Variants in PTPN22 observed in about 807,000 individuals in gnomAD.
PTPN22 encodes tyrosine-protein phosphatase non-receptor type 22.
Under a neutral mutation model 103.3 loss-of-function variants are expected in PTPN22, and 85 were observed. That is an observed-to-expected ratio of 0.82 (90% CI 0.69 to 0.99). PTPN22 has a LOEUF of 0.99. Ranked by LOEUF, PTPN22 falls within the 50% of genes least tolerant of loss-of-function variation. The pLI, the probability that PTPN22 is intolerant of heterozygous loss-of-function variation, is 0.00. For synonymous variants in PTPN22, 323 were observed against 310.2 expected (o/e 1.04, Z -0.43); for missense variants, 865 against 936.9 (o/e 0.92, Z 1.00).
chr1:113,836,375 A>T (rs1247367471), intron 13 of PTPN22, among the ~76,000 whole-genome samples: 1 of 152,234 alleles, frequency 6.6e-6, no homozygotes, highest in Admixed American at 6.5e-5. Flanking sequence ...AGAATTATAA[A>T]AGAGACAAAA....
chr1:113,871,552 A>G, exon 1 of PTPN22: 1 of 1,614,002 alleles, frequency 6.2e-7, no homozygotes, highest in Non-Finnish European at 8.5e-7. Context: ...ATTCATTGGC[A>G]AACTCCTCTT....
In PTPN22 at chr1:113,821,044, ATACT is replaced by A. The variant is rs779145120; in HGVS notation, c.2282-1394_2282-1391del. Reference sequence around the variant, plus strand: ...AGTATAAAATACTATTCATATTTAAATACTTACTATGTGCTAAGCATTGCTGTAG... The same window carrying A: ...AGTATAAAATACTATTCATATTTAAATACTATGTGCTAAGCATTGCTGTAG... On this transcript the variant is annotated intron_variant, in intron 19 of 20. Coordinates refer to ENST00000359785, the Ensembl canonical transcript of PTPN22. Among the ~76,000 whole-genome samples the A allele has an allele frequency of 4.0e-4, 61 of 151,774 alleles. No homozygotes were observed. In the East Asian group the frequency reaches 5.4e-3, roughly 13 times the overall value.
intron 19 of PTPN22, 67 bp downstream of exon 19, chr1:113,825,075 G>C: frequency 2.7e-6 from 3 of 1,128,834 alleles, no homozygotes; most frequent in Non-Finnish European, 3.8e-6. Context: ...CACAATATTG[G>C]TTGGTTATAT....
chr1:113,841,671 C>T (rs931066207), intron 11 of PTPN22, among the ~76,000 whole-genome samples: 3 of 150,012 alleles, frequency 2.0e-5, no homozygotes, highest in African/African-American at 4.9e-5. Flanking sequence ...GGTGCGATCT[C>T]GGCTCACTGC....
At chr1:113,852,205 A>C in intron 9 of PTPN22, 101 bp from the exon 10 acceptor site, 1 of 785,660 alleles carries the variant, frequency 1.3e-6, no homozygotes, top group Non-Finnish European at 2.1e-6. Flanking sequence ...CTCTTCTAAC[A>C]TGGGGTAATA....
chr1:113,819,372 TC>T (rs1661409112), intron 20 of PTPN22: 1 of 309,622 alleles, frequency 3.2e-6, no homozygotes. Flanking sequence ...AGCTTTATTT[TC>T]CACATATACT....
intron 10 of PTPN22, among the ~76,000 whole-genome samples, chr1:113,850,851 G>T (rs974783127): frequency 3.3e-5 from 5 of 152,210 alleles, no homozygotes; most frequent in African/African-American, 1.2e-4. Context: ...ACACTTTAAG[G>T]TCTTGCTATT....
At chr1:113,834,745 G>C (rs546256780) in intron 14 of PTPN22, among the ~76,000 whole-genome samples, 165 bp downstream of exon 14, 1 of 152,056 alleles carries the variant, frequency 6.6e-6, no homozygotes, top group Admixed American at 6.6e-5. Context: ...AAAAAAATTA[G>C]AGATGAGGTC....
In PTPN22 at chr1:113,869,425, G is replaced by A. The variant is rs1168747795; in HGVS notation, c.87+2112C>T. On this transcript the variant is annotated intron_variant, in intron 1 of 20. Coordinates refer to ENST00000359785, the Ensembl canonical transcript of PTPN22. ...TTTTTTTTTTTTGAGACAGAAGTTCGCTCTTGTTGTCCAGGCTGGAGTGCA... is the reference window on the plus strand; with the variant it reads ...TTTTTTTTTTTTGAGACAGAAGTTCACTCTTGTTGTCCAGGCTGGAGTGCA... Among the ~76,000 whole-genome samples, 10 of 150,390 alleles carry A rather than the reference G, an allele frequency of 6.6e-5. No individual in the cohort carries two copies. The East Asian group carries it at 1.2e-3, about 18-fold the overall frequency.
chr1:113,867,242 A>C (rs185647372), intron 1 of PTPN22, among the ~76,000 whole-genome samples: 256 of 152,244 alleles, frequency 1.7e-3, no homozygotes, highest in Non-Finnish European at 3.0e-3. Flanking sequence ...TTACCCTAAA[A>C]CTTACCCTAA....
At chr1:113,825,042 A>T in intron 19 of PTPN22, 100 bp downstream of exon 19, 11 of 743,698 alleles carry the variant, frequency 1.5e-5, no homozygotes, top group East Asian at 3.9e-5. Context: ...GGCTCTGTTT[A>T]GGAATAATAT....
At chr1:113,834,856 T>C (rs570650812) in intron 14 of PTPN22, 54 bp downstream of exon 14, 3 of 1,358,372 alleles carry the variant, frequency 2.2e-6, no homozygotes, top group Admixed American at 2.3e-5. Flanking sequence ...ATTAAAGGCA[T>C]GAGCCACCAT....
chr1:113,834,114 T>C (rs1335710299), intron 15 of PTPN22, among the ~76,000 whole-genome samples, 195 bp downstream of exon 15: 1 of 152,238 alleles, frequency 6.6e-6, no homozygotes, highest in Non-Finnish European at 1.5e-5. Flanking sequence ...ATCCTATATC[T>C]CTACTACTAG....
chr1:113,817,959 CT>C (rs1178183326), intron 20 of PTPN22, among the ~76,000 whole-genome samples: 306 of 140,522 alleles, frequency 2.2e-3, no homozygotes, highest in Non-Finnish European at 2.0e-3. Flanking sequence ...TTCTTTTTTC[CT>C]TTTTTTTTTT....
At chr1:113,862,044 G>A (rs933110144) in intron 1 of PTPN22, among the ~76,000 whole-genome samples, 1 of 152,028 alleles carries the variant, frequency 6.6e-6, no homozygotes, top group African/African-American at 2.4e-5. Context: ...ACTTTGGGAT[G>A]CCGAGGCAGG....
chr1:113,841,389 T>G (rs1163285487), intron 11 of PTPN22, among the ~76,000 whole-genome samples: 2 of 152,108 alleles, frequency 1.3e-5, no homozygotes, highest in Non-Finnish European at 2.9e-5. Flanking sequence ...ATTTCTTGGA[T>G]AGGACACCAA....
In PTPN22 at chr1:113,859,469, A is replaced by G. The variant is rs41299577; in HGVS notation, c.88-9T>C. The G allele has an allele frequency of 3.1e-6, 5 of 1,592,750 alleles. No homozygotes were observed. The highest frequency in any genetic ancestry group is 4.3e-6 in the Non-Finnish European group (5 of 1,161,206). ...GATTGCCTTTTCAGCTTCTGTAATA[A>G]GATTCCAAGAAAAATTAATCTTCCT... is the stretch of plus-strand genomic sequence containing the variant. On this transcript the variant is annotated splice_polypyrimidine_tract_variant and intron_variant, in intron 1 of 20. Coordinates refer to ENST00000359785, the Ensembl canonical transcript of PTPN22.
exon 21 of PTPN22, chr1:113,814,672 A>T: frequency 2.0e-6 from 1 of 495,866 alleles, no homozygotes; most frequent in Admixed American, 3.8e-5. Flanking sequence ...CATTCTGTAC[A>T]TAAGCTCAAG....
intron 18 of PTPN22, among the ~76,000 whole-genome samples, chr1:113,827,519 T>G (rs1021186910): frequency 6.6e-6 from 1 of 152,198 alleles, no homozygotes; most frequent in African/African-American, 2.4e-5. Context: ...CTGCACAGTA[T>G]TCCATTTGTA....
Sources: gnomAD v4.1 joint callset for allele counts (sites outside exome capture counted in the v4.1 genomes callset) on GRCh38, gnomAD v4.1.1 for gene constraint, MANE v1.5 for transcripts, NCBI Gene and HGNC (gene_info 2026-07-23, HGNC 2026-07-21) for gene names.